Variants in CSNK1E observed in about 807,000 individuals in gnomAD.
CSNK1E encodes casein kinase 1 epsilon.
CSNK1E carries 17 observed loss-of-function variants against 46.1 expected under a neutral mutation model. That is an observed-to-expected ratio of 0.37 (90% CI 0.25 to 0.55). CSNK1E has a LOEUF of 0.55. Ranked by LOEUF, CSNK1E falls within the 20% of genes least tolerant of loss-of-function variation. The pLI is 0.82. For missense variants in CSNK1E, 386 were observed against 595.4 expected (o/e 0.65, Z 3.66); for synonymous variants, 241 against 242.6 (o/e 0.99, Z 0.06).
intron 7 of CSNK1E, among the ~76,000 whole-genome samples, chr22:38,295,756 T>C (rs1367209777): frequency 1.3e-5 from 2 of 152,198 alleles, no homozygotes; most frequent in Non-Finnish European, 1.5e-5. Context: ...GTTCAGAGTC[T>C]TGCCTTAGAA....
chr22:38,300,174 T>A lies in CSNK1E; in HGVS notation c.566-109A>T, dbSNP rs1013875122. ...GCACCAGGACCCTCCTGCCCCCACG[T>A]CGGATGTTGCTCACTGCACGCATTT... On this transcript the variant is annotated intron_variant, in intron 5 of 10. Coordinates refer to ENST00000396832, the MANE Select transcript of CSNK1E (RefSeq NM_152221.3). The surrounding 1 kb of genome is among the most constrained non-coding windows in gnomAD (Gnocchi z 4.4). The A allele has an allele frequency of 1.8e-5, 19 of 1,032,446 alleles. No homozygotes were observed. The South Asian group carries it at 3.0e-4, about 16-fold the overall frequency. 64.0% of individuals were successfully genotyped at this position (1,032,446 alleles called of 1,614,324 possible).
chr22:38,311,219 A>G (rs910870003), intron 2 of CSNK1E, among the ~76,000 whole-genome samples: 3 of 152,168 alleles, frequency 2.0e-5, no homozygotes, highest in Non-Finnish European at 4.4e-5. Flanking sequence ...GCACGACCCC[A>G]TTTTGCAGAT....
In CSNK1E at chr22:38,294,300, C is replaced by A. The variant is rs369259063; in HGVS notation, c.1078+42G>T. 1.3e-6 allele frequency: 2 copies of A among 1,597,140 alleles called. No individual in the cohort carries two copies. Among genetic ancestry groups the A allele is most frequent in the Non-Finnish European group, 8.5e-7 (1 of 1,173,110 alleles). On this transcript the variant is annotated intron_variant, in intron 8 of 10. Transcript: ENST00000396832. The surrounding 1 kb of genome is among the most constrained non-coding windows in gnomAD (Gnocchi z 5.5). Reference sequence around the variant, plus strand: ...CAGAGTAGGCACAAACAGAGCCCCCCACCCACCCTGAACCCAGCCCACTGC... The same window carrying A: ...CAGAGTAGGCACAAACAGAGCCCCCAACCCACCCTGAACCCAGCCCACTGC...
chr22:38,313,924 G>A (rs1229241133), intron 2 of CSNK1E, among the ~76,000 whole-genome samples, 158 bp downstream of exon 2: 2 of 152,202 alleles, frequency 1.3e-5, no homozygotes, highest in East Asian at 1.9e-4. Context: ...CCTGCCTCCC[G>A]GCAACCTGCT....
chr22:38,296,303 T>C (rs3183957), intron 7 of CSNK1E: 1 of 1,314,132 alleles, frequency 7.6e-7, no homozygotes, highest in Non-Finnish European at 9.7e-7. Flanking sequence ...TCCTTGGCTG[T>C]GTTGAATTCC....
intron 7 of CSNK1E, chr22:38,295,437 G>A: frequency 2.0e-6 from 2 of 978,376 alleles, no homozygotes; most frequent in Non-Finnish European, 2.4e-6. Context: ...CTGGCAGGAA[G>A]GGGGCCGCAT....
rs1342931540 is a variant in CSNK1E, at chr22:38,291,051, T to C, written c.*920A>G. 6.6e-6 allele frequency: 1 copy of C among 152,196 alleles called. No individual in the cohort carries two copies. The highest frequency in any genetic ancestry group is 1.5e-5 in the Non-Finnish European group (1 of 68,046). The allele number at this position is 152,196 out of a possible 1,614,324, so 9.4% of individuals were successfully genotyped here. A position where few individuals can be genotyped will look rare whatever the true frequency, so the allele number is the denominator to read the frequency against. Reference sequence around the variant, plus strand: ...AACCAGGGAGAGGGGGGACCCCAGGTGACTGTCAGGACCAGGGAAGTAATT... The same window carrying C: ...AACCAGGGAGAGGGGGGACCCCAGGCGACTGTCAGGACCAGGGAAGTAATT... On this transcript the variant is annotated 3_prime_UTR_variant, in exon 11 of 11. Coordinates refer to ENST00000396832, the MANE Select transcript of CSNK1E (RefSeq NM_152221.3).
In CSNK1E at chr22:38,294,617, G is replaced by T; in HGVS notation, c.886-83C>A. Reference sequence around the variant, plus strand: ...CAGCAGCCCTGCAGGGCACAGAAGGGGAGGGAGGCCAGGTGGATATCTCAG... The same window carrying T: ...CAGCAGCCCTGCAGGGCACAGAAGGTGAGGGAGGCCAGGTGGATATCTCAG... On this transcript the variant is annotated intron_variant, in intron 7 of 10. Transcript: ENST00000396832. This position sits in a 1 kb window ranked among gnomAD's most constrained non-coding sequence, Gnocchi z 5.5. The T allele has an allele frequency of 7.5e-7, 1 of 1,332,014 alleles. No homozygotes were observed. The highest frequency in any genetic ancestry group is 1.0e-6 in the Non-Finnish European group (1 of 986,488). 82.5% of individuals were successfully genotyped at this position (1,332,014 alleles called of 1,614,324 possible). A position where few individuals can be genotyped will look rare whatever the true frequency, so the allele number is the denominator to read the frequency against.
At chr22:38,314,211 G>A in intron 1 of CSNK1E, 42 bp from the exon 2 acceptor site, 2 of 1,532,576 alleles carry the variant, frequency 1.3e-6, no homozygotes, top group Non-Finnish European at 1.8e-6. Context: ...GACGTGGGGA[G>A]CCGGGAAAGG....
chr22:38,316,086 G>A (rs1431339286), intron 1 of CSNK1E, among the ~76,000 whole-genome samples: 1 of 151,348 alleles, frequency 6.6e-6, no homozygotes, highest in Admixed American at 6.6e-5. Flanking sequence ...CAGTTCTTTT[G>A]CTGCTTCTCC....
At chr22:38,310,949 C>A (rs141450325) in intron 2 of CSNK1E, among the ~76,000 whole-genome samples, 160 of 152,334 alleles carry the variant, frequency 1.1e-3, no homozygotes, top group African/African-American at 3.5e-3. Context: ...TCACCACTGT[C>A]CCCAAACCAA....
chr22:38,301,184 G>T (rs1489994848), intron 4 of CSNK1E, among the ~76,000 whole-genome samples: 2 of 152,210 alleles, frequency 1.3e-5, no homozygotes, highest in Non-Finnish European at 2.9e-5. Context: ...AGAGAGTATT[G>T]CAGGAAAGCT....
chr22:38,297,216 A>T, intron 7 of CSNK1E: 1 of 759,552 alleles, frequency 1.3e-6, no homozygotes. Context: ...GCCCATCACG[A>T]ACCAGACGTG....
At chr22:38,304,895 G>C (rs1022503470) in intron 2 of CSNK1E, among the ~76,000 whole-genome samples, 2 of 152,074 alleles carry the variant, frequency 1.3e-5, no homozygotes, top group Non-Finnish European at 2.9e-5. Context: ...AGGCTGAGGC[G>C]GGTGGATCAC....
At chr22:38,313,920 TC>T (rs1255611850) in intron 2 of CSNK1E, among the ~76,000 whole-genome samples, 161 bp downstream of exon 2, 1 of 152,168 alleles carries the variant, frequency 6.6e-6, no homozygotes, top group East Asian at 1.9e-4. Context: ...CTGGCCTGCC[TC>T]CCGGCAACCT....
intron 9 of CSNK1E, 21 bp from the exon 10 acceptor site, chr22:38,293,340 G>A: frequency 1.3e-6 from 2 of 1,518,962 alleles, no homozygotes; most frequent in Non-Finnish European, 1.8e-6. Context: ...TGGGGAGGGA[G>A]AGAGGGGGAG....
intron 2 of CSNK1E, among the ~76,000 whole-genome samples, chr22:38,304,514 C>T (rs985995983): frequency 1.3e-5 from 2 of 152,196 alleles, no homozygotes; most frequent in Non-Finnish European, 2.9e-5. Context: ...TTCAGAAACA[C>T]GTGTGCACCA....
In CSNK1E at chr22:38,294,151, G is replaced by A. The variant is rs2092626780; in HGVS notation, c.1176C>T (p.Asp392=). Reference sequence around the variant, plus strand: ...GGGAGACCTCTTGCCGCCCAGTGAGGTCTGAGGAGGAGACGTTGGCGGGCG... The same window carrying A: ...GGGAGACCTCTTGCCGCCCAGTGAGATCTGAGGAGGAGACGTTGGCGGGCG... ...RGAPANVSSS[D]LTGRQEVSRI... Residue 392 remains aspartate, a synonymous_variant, in exon 9 of 11, where the codon GAC becomes GAT. Transcript: ENST00000396832. This position sits in a 1 kb window ranked among gnomAD's most constrained non-coding sequence, Gnocchi z 5.5. 6.2e-7 allele frequency: 1 copy of A among 1,611,864 alleles called. No individual in the cohort carries two copies. Among genetic ancestry groups the A allele is most frequent in the African/African-American group, 1.3e-5 (1 of 74,940 alleles).
chr22:38,299,124 G>C (rs571787089), intron 6 of CSNK1E, among the ~76,000 whole-genome samples, 190 bp from the exon 7 acceptor site: 2 of 152,332 alleles, frequency 1.3e-5, no homozygotes, highest in East Asian at 3.9e-4. Context: ...CCCGTGAGCA[G>C]AGCCTCTGCT....
Sources: gnomAD v4.1 joint callset for allele counts (sites outside exome capture counted in the v4.1 genomes callset) on GRCh38, gnomAD v4.1.1 for gene constraint, Gnocchi (gnomAD v3.1) non-coding constraint, MANE v1.5 for transcripts, NCBI Gene and HGNC (gene_info 2026-07-23, HGNC 2026-07-21) for gene names.